The following UBE3D variants were observed in gnomAD, a reference collection of about 807,000 sequenced individuals.
UBE3D encodes ubiquitin protein ligase E3D, also known as E3 ubiquitin-protein ligase E3D.
A neutral mutation model predicts 49.6 loss-of-function variants in UBE3D; 48 were observed. The ratio of observed to expected loss-of-function variants is 0.97; its 90% CI spans 0.77 to 1.23. The LOEUF (loss-of-function observed/expected upper bound fraction) is 1.23, where lower values mean the gene tolerates loss of function less well. UBE3D is among the 50% of genes most tolerant of loss of function. The pLI is 0.00. For synonymous variants in UBE3D, 189 were observed against 174.2 expected, an observed-to-expected ratio of 1.08 and a Z score of -0.67; for missense variants, 452 against 468.4, an observed-to-expected ratio of 0.96 and a Z score of 0.32.
chr6:82,943,286 C>T (rs1462554158), intron 9 of UBE3D, among the ~76,000 whole-genome samples: 1 of 152,086 alleles, frequency 6.6e-6, no homozygotes, highest in Non-Finnish European at 1.5e-5. Context: ...TCCACTGTCC[C>T]CCTGACAGGG....
At chr6:82,894,657 CCT>C (rs1280235155) in intron 9 of UBE3D, among the ~76,000 whole-genome samples, 1 of 152,160 alleles carries the variant, frequency 6.6e-6, no homozygotes, top group Non-Finnish European at 1.5e-5. Context: ...ATGTGTTTCC[CCT>C]GTCTCTCAGC....
chr6:82,995,490 TCACACA>T (rs56663287), intron 8 of UBE3D, among the ~76,000 whole-genome samples: 1 of 138,180 alleles, frequency 7.2e-6, no homozygotes, highest in Non-Finnish European at 1.6e-5. Flanking sequence ...ATACTAACAA[TCACACA>T]CACACACACA....
chr6:82,915,395 G>A (rs909784709), intron 9 of UBE3D, among the ~76,000 whole-genome samples: 2 of 152,158 alleles, frequency 1.3e-5, no homozygotes, highest in Non-Finnish European at 2.9e-5. Context: ...GATCACAGAC[G>A]GGGCCTGTAT....
intron 8 of UBE3D, among the ~76,000 whole-genome samples, chr6:82,988,375 AT>A (rs1206756660): frequency 6.6e-6 from 1 of 152,202 alleles, no homozygotes; most frequent in Non-Finnish European, 1.5e-5. Context: ...TAACAAATTA[AT>A]TAATTAAATT....
chr6:82,964,903 T>C (rs1776802133), intron 8 of UBE3D, among the ~76,000 whole-genome samples: 3 of 152,126 alleles, frequency 2.0e-5, no homozygotes, highest in South Asian at 4.1e-4. Context: ...TTTGTCCAAA[T>C]AAAGTTCATT....
In UBE3D at chr6:83,044,670, G is replaced by A; in HGVS notation, c.366-11C>T. ...ACCCTGAGGAGCTTCCTAGTGGAAA[G>A]AGGAAAAATCATTTTTCACAGAACA... On this transcript the variant is annotated splice_polypyrimidine_tract_variant and intron_variant, in intron 3 of 9. Transcript: ENST00000369747. 1 of 1,593,840 alleles carries A rather than the reference G, an allele frequency of 6.3e-7. No homozygotes were observed.
chr6:83,057,781 T>A (rs1294579395), intron 2 of UBE3D, 45 bp downstream of exon 2: 2 of 1,591,624 alleles, frequency 1.3e-6, no homozygotes, highest in Admixed American at 3.5e-5. Context: ...CTTTGGTTTA[T>A]AACAAAAAGG....
At chr6:82,888,098 C>T (rs9449549), downstream of UBE3D, among the ~76,000 whole-genome samples, 49,404 of 151,684 alleles carry the variant, frequency 0.33, 9,410 homozygotes, top group African/African-American at 0.51. Context: ...ACTTATAAGG[C>T]GCTTTCTATT....
At chr6:82,881,893 A>C in the UBE3D span, among the ~76,000 whole-genome samples, 1 of 152,186 alleles carries the variant, frequency 6.6e-6, no homozygotes, top group African/African-American at 2.4e-5. Context: ...CCACAAATAA[A>C]TTAATTAATG....
intron 7 of UBE3D, among the ~76,000 whole-genome samples, chr6:83,020,045 G>A (rs527261235): frequency 6.6e-6 from 1 of 152,338 alleles, no homozygotes; most frequent in African/African-American, 2.4e-5. Flanking sequence ...TGGGGTCTGG[G>A]TGGCACACCA....
intron 4 of UBE3D, among the ~76,000 whole-genome samples, chr6:83,040,124 C>T (rs1181954399): frequency 6.6e-6 from 1 of 152,102 alleles, no homozygotes; most frequent in Non-Finnish European, 1.5e-5. Context: ...ATGGCTCACA[C>T]CTGTAATCCC....
At chr6:83,006,687 G>A (rs1409195020) in intron 8 of UBE3D, among the ~76,000 whole-genome samples, 2 of 152,130 alleles carry the variant, frequency 1.3e-5, no homozygotes, top group African/African-American at 4.8e-5. Flanking sequence ...TTTTGCTATG[G>A]CAGCTCTAGT....
intron 8 of UBE3D, among the ~76,000 whole-genome samples, chr6:82,970,710 G>A (rs2127705060): frequency 6.6e-6 from 1 of 152,106 alleles, no homozygotes; most frequent in East Asian, 1.9e-4. Context: ...GTGGTGGCAG[G>A]CATCTGTAGT....
At chr6:82,899,833 T>C (rs1028202610) in intron 9 of UBE3D, among the ~76,000 whole-genome samples, 7 of 152,218 alleles carry the variant, frequency 4.6e-5, no homozygotes, top group African/African-American at 1.7e-4. Flanking sequence ...CCCAGTCATA[T>C]AAAGCAAATC....
intron 8 of UBE3D, among the ~76,000 whole-genome samples, chr6:82,985,020 T>C (rs1207234974): frequency 1.4e-5 from 2 of 140,476 alleles, no homozygotes; most frequent in African/African-American, 5.2e-5. Flanking sequence ...TTTTTTTTTT[T>C]TTTTTTTTTT....
intron 9 of UBE3D, among the ~76,000 whole-genome samples, chr6:82,948,095 T>C (rs1017931847): frequency 3.9e-5 from 6 of 151,960 alleles, no homozygotes; most frequent in Admixed American, 6.5e-5. Context: ...TTGGTTTTTT[T>C]GAAGAGGCAA....
Position 83,023,981 on chromosome 6 carries a change from G to A in UBE3D, c.725C>T (p.Pro242Leu), listed in dbSNP as rs370735261. ...TTGCTATTTGTACCTTGGTATGATA[G>A]GAAAACTCCTCTCAGATGACTGAAT... ...IIIQSSERSF[P>L]IIPRSWFVQS... The change falls in exon 6 of 10, where the codon CCT becomes CTT. Residue 242 changes from proline (P) to leucine (L), a missense_variant. Pro to Leu is a moderately conservative substitution (Grantham distance 98). Transcript: ENST00000369747. 3.7e-5 allele frequency: 57 copies of A among 1,532,800 alleles called. No individual in the cohort carries two copies. Among genetic ancestry groups the A allele is most frequent in the Non-Finnish European group, 4.6e-5 (53 of 1,146,518 alleles). 94.9% of individuals were successfully genotyped at this position (1,532,800 alleles called of 1,614,324 possible). A position where few individuals can be genotyped will look rare whatever the true frequency, so the allele number is the denominator to read the frequency against.
Position 82,947,552 on chromosome 6 carries a change from T to G in UBE3D, c.1149+9760A>C. Among the ~76,000 whole-genome samples the G allele has an allele frequency of 1.3e-5, 2 of 151,942 alleles. 1 individual carries two copies. The highest frequency in any genetic ancestry group is 3.8e-4 in the East Asian group (2 of 5,200). Reference sequence around the variant, plus strand: ...TTCTTTTTCTTGCCCTATCTTATGGTGCTGAACAATACATATTCTTCTCAG... The same window carrying G: ...TTCTTTTTCTTGCCCTATCTTATGGGGCTGAACAATACATATTCTTCTCAG... On this transcript the variant is annotated intron_variant, in intron 9 of 9. Transcript: ENST00000369747.
At chr6:82,958,907 GA>G (rs1776351830) in intron 8 of UBE3D, among the ~76,000 whole-genome samples, 2 of 152,206 alleles carry the variant, frequency 1.3e-5, no homozygotes, top group African/African-American at 4.8e-5. Flanking sequence ...TGAGGAAAAT[GA>G]CAGGACAAGG....
Sources: allele counts gnomAD v4.1 joint callset (sites outside exome capture counted in the v4.1 genomes callset), GRCh38; gene constraint gnomAD v4.1.1; transcripts MANE v1.5; gene names NCBI Gene and HGNC (gene_info 2026-07-23, HGNC 2026-07-21).